The following PHRF1 variants were observed in gnomAD, a reference collection of about 807,000 sequenced individuals.
PHRF1 encodes the protein PHD and RING finger domain-containing protein 1.
In PHRF1, 53 loss-of-function variants were observed where a neutral mutation model predicts 128.9. The observed-to-expected ratio is 0.41, with a 90% CI of 0.33 to 0.52. The LOEUF (loss-of-function observed/expected upper bound fraction) is 0.52. Ranked by LOEUF, PHRF1 falls within the 20% of genes least tolerant of loss-of-function variation. The pLI, the probability that PHRF1 is intolerant of heterozygous loss-of-function variation, is 0.21. For synonymous variants in PHRF1, 1,178 were observed against 980.6 expected (o/e 1.20, Z -3.76); for missense variants, 2,503 against 2,284.5 (o/e 1.10, Z -1.95).
At chr11:599,788 G>A (rs11246208) in intron 9 of PHRF1, among the ~76,000 whole-genome samples, 5 of 150,896 alleles carry the variant, frequency 3.3e-5, no homozygotes, top group African/African-American at 4.9e-5. Context: ...CAGAGGACTC[G>A]GCGTCTGTGG....
intron 3 of PHRF1, among the ~76,000 whole-genome samples, chr11:586,122 A>G (rs1854542330): frequency 6.6e-6 from 1 of 152,120 alleles, no homozygotes. Context: ...CAGCCTCCCA[A>G]AGTACTAGGA....
rs114367277 is a variant in PHRF1 at position 608,378 on chromosome 11, G to A, written c.2922G>A (p.Pro974=). The part of the protein sequence containing the change: ...TVVEPEAPPS[P]DVLQAATHRV... ...TGGAGCCGGAAGCCCCACCCAGCCCGGACGTGCTGCAGGCTGCCACCCACA... is the reference window on the plus strand; with the variant it reads ...TGGAGCCGGAAGCCCCACCCAGCCCAGACGTGCTGCAGGCTGCCACCCACA... Residue 974 remains proline, a synonymous_variant, in exon 14 of 18, where the codon CCG becomes CCA. Transcript: ENST00000264555. 2,569 of 1,611,300 alleles carry A rather than the reference G, an allele frequency of 1.6e-3. 40 individuals carry two copies. In the African/African-American group the frequency reaches 0.03, roughly 19 times the overall value.
rs541916891 is a variant in PHRF1 at position 608,060 on chromosome 11, G to A, written c.2604G>A (p.Pro868=). 30 of 1,611,536 alleles carry A rather than the reference G, an allele frequency of 1.9e-5. No individual in the cohort carries two copies. The highest frequency in any genetic ancestry group is 6.7e-5 in the East Asian group (3 of 44,876). ...EITRTISINS[P]KAQTVQAVRC... is the part of the protein sequence containing the mutation. ...CACGAACCATCTCCATCAACAGCCC[G>A]AAGGCCCAGACGGTGCAGGCTGTGC... The change falls in exon 14 of 18, where the codon CCG becomes CCA. Residue 868 remains proline, a synonymous_variant. Transcript: ENST00000264555.
In PHRF1 at chr11:606,547, C is replaced by G; in HGVS notation, c.1560C>G (p.Ser520Arg). ...LSGQSLLMLG[S>R]SDVIIHRDGS... The stretch of plus-strand genomic sequence containing the variant: ...GCCAGAGCCTCCTGATGCTGGGCAG[C>G]AGTGATGTCATCATCCACCGCGACG... Residue 520 changes from serine (S) to arginine (R), a missense_variant, in exon 13 of 18, where the codon AGC becomes AGG. Ser to Arg is a moderately radical substitution (Grantham distance 110, BLOSUM62 -1). Transcript: ENST00000264555. 6.2e-7 allele frequency: 1 copy of G among 1,610,280 alleles called. No homozygotes were observed. The highest frequency in any genetic ancestry group is 8.5e-7 in the Non-Finnish European group (1 of 1,179,292).
chr11:585,239 C>T (rs1043795357), intron 3 of PHRF1, among the ~76,000 whole-genome samples: 13 of 151,520 alleles, frequency 8.6e-5, no homozygotes, highest in Non-Finnish European at 1.6e-4. Context: ...GTAGCCCTTT[C>T]CAGCTTGAGG....
intron 4 of PHRF1, among the ~76,000 whole-genome samples, chr11:590,648 A>G (rs12272314): frequency 0.28 from 43,337 of 152,130 alleles, 6,682 homozygotes; most frequent in African/African-American, 0.38. Flanking sequence ...TCAGAACACT[A>G]TTAATAAAGG....
rs1856152909 is a variant in PHRF1, at chr11:608,942, G to A, written c.3486G>A (p.Arg1162=). ...VAWPRDRRKR[R]SRSPSSEHRA... is the part of the protein sequence containing the mutation. ...GGCCCCGAGACCGGAGGAAGCGGAG[G>A]TCCCGGTCCCCAAGCTCGGAGCACA... The change falls in exon 14 of 18, where the codon AGG becomes AGA. Residue 1162 remains arginine (R), a synonymous_variant. Coordinates refer to ENST00000264555, the MANE Select transcript of PHRF1 (RefSeq NM_001286581.2). The A allele has an allele frequency of 6.2e-7, 1 of 1,611,170 alleles. No homozygotes were observed. The highest frequency in any genetic ancestry group is 8.5e-7 in the Non-Finnish European group (1 of 1,179,484).
chr11:609,555 G>T lies in PHRF1; in HGVS notation c.4099G>T (p.Gly1367Trp). ...CAGTTCCCCGGATGTGGCGCCTGCGGGGAAGGAAGACAGCCCCTCTGCGAG... is the reference window on the plus strand; with the variant it reads ...CAGTTCCCCGGATGTGGCGCCTGCGTGGAAGGAAGACAGCCCCTCTGCGAG... ...APSSPDVAPA[G>W]KEDSPSASGR... Residue 1367 changes from glycine (G) to tryptophan (W), a missense_variant, in exon 14 of 18, where the codon GGG (glycine) becomes TGG (tryptophan). By Grantham distance (184) the Gly-to-Trp change is radical (BLOSUM62 -2). Coordinates refer to ENST00000264555, the MANE Select transcript of PHRF1 (RefSeq NM_001286581.2). 1 of 1,599,592 alleles carries T rather than the reference G, an allele frequency of 6.3e-7. No homozygotes were observed. Among genetic ancestry groups the T allele is most frequent in the Non-Finnish European group, 8.5e-7 (1 of 1,175,118 alleles).
In PHRF1 at chr11:598,484, C is replaced by A; in HGVS notation, c.1006C>A (p.Arg336=). The A allele has an allele frequency of 2.5e-6, 4 of 1,609,352 alleles. No individual in the cohort carries two copies. Among genetic ancestry groups the A allele is most frequent in the Middle Eastern group, 3.3e-4 (2 of 6,060 alleles). ...CCCCCTGACGCCGCGCACTCCCGCCCGACGGAAGAGGAAGACAAGTAAGCC... is the reference window on the plus strand; with the variant it reads ...CCCCCTGACGCCGCGCACTCCCGCCAGACGGAAGAGGAAGACAAGTAAGCC... The part of the protein sequence containing the change: ...QRPLTPRTPA[R]RKRKTRRRKK... Residue 336 remains arginine, a synonymous_variant, in exon 9 of 18, where the codon CGA becomes AGA. Coordinates refer to ENST00000264555, the MANE Select transcript of PHRF1 (RefSeq NM_001286581.2).
intron 17 of PHRF1, among the ~76,000 whole-genome samples, chr11:611,339 C>T (rs1856382733): frequency 6.6e-6 from 1 of 152,204 alleles, no homozygotes; most frequent in Admixed American, 6.5e-5. Flanking sequence ...CAGCCCACGC[C>T]CAGCTTACAG....
Position 597,706 on chromosome 11 carries a change from C to T in PHRF1, c.894+136C>T. On this transcript the variant is annotated intron_variant, in intron 8 of 17. Coordinates refer to ENST00000264555, the MANE Select transcript of PHRF1 (RefSeq NM_001286581.2). This position sits in a 1 kb window ranked among gnomAD's most constrained non-coding sequence, Gnocchi z 6.5. ...CCGGTGGCTCATGTTGTTCGGCCTGCTGAGGGGAGCAGATGAGTGCACCCC... is the reference window on the plus strand; with the variant it reads ...CCGGTGGCTCATGTTGTTCGGCCTGTTGAGGGGAGCAGATGAGTGCACCCC... 4 of 1,216,706 alleles carry T rather than the reference C, an allele frequency of 3.3e-6. No individual in the cohort carries two copies. The highest frequency in any genetic ancestry group is 4.5e-6 in the Non-Finnish European group (4 of 882,560). 75.4% of individuals were successfully genotyped at this position (1,216,706 alleles called of 1,614,324 possible).
intron 3 of PHRF1, among the ~76,000 whole-genome samples, chr11:583,611 C>T (rs971027313): frequency 1.3e-4 from 20 of 152,242 alleles, no homozygotes; most frequent in African/African-American, 4.3e-4. Context: ...GGCAGGTCTG[C>T]GCTGGGTGTG....
chr11:607,727 C>G lies in PHRF1; in HGVS notation c.2271C>G (p.Gly757=). The G allele has an allele frequency of 2.5e-6, 4 of 1,611,988 alleles. No individual in the cohort carries two copies. The highest frequency in any genetic ancestry group is 3.4e-6 in the Non-Finnish European group (4 of 1,179,390). ...SSRPPAPSSH[G]SLAPLGPSRG... Reference sequence around the variant, plus strand: ...GGCCCCCAGCCCCCAGCTCCCATGGCAGTTTGGCCCCACTGGGACCATCAA... The same window carrying G: ...GGCCCCCAGCCCCCAGCTCCCATGGGAGTTTGGCCCCACTGGGACCATCAA... Residue 757 remains glycine, a synonymous_variant, in exon 14 of 18, where the codon GGC becomes GGG. Coordinates refer to ENST00000264555, the MANE Select transcript of PHRF1 (RefSeq NM_001286581.2).
Position 610,619 on chromosome 11 carries a change from G to T in PHRF1, c.4535G>T (p.Cys1512Phe), listed in dbSNP as rs1190068361. Residue 1512 changes from cysteine to phenylalanine, a missense_variant, in exon 16 of 18, where the codon TGT becomes TTT. Cys to Phe is a radical substitution (Grantham distance 205). Coordinates refer to ENST00000264555, the MANE Select transcript of PHRF1 (RefSeq NM_001286581.2). ...CAGGGGAGCCTGCCGCTAGTGGGCT[G>T]TGGGGCAGCACAGACCCTGGCCCCA... ...ILQGSLPLVG[C>F]GAAQTLAPVP... 3 of 1,606,102 alleles carry T rather than the reference G, an allele frequency of 1.9e-6. No individual in the cohort carries two copies. Among genetic ancestry groups the T allele is most frequent in the Non-Finnish European group, 2.5e-6 (3 of 1,179,828 alleles).
At chr11:603,153 C>G (rs950483508) in intron 10 of PHRF1, among the ~76,000 whole-genome samples, 1 of 151,732 alleles carries the variant, frequency 6.6e-6, no homozygotes, top group African/African-American at 2.4e-5. Context: ...CTCCCCAGGC[C>G]CAGGTGATCC....
chr11:587,484 G>T lies in PHRF1; in HGVS notation c.420+20G>T, dbSNP rs1396404243. ...TCCAAGGTGAGTTCACCTCTGGTTG[G>T]GTGCTTCCTCCCTTCAGGATGGCCT... On this transcript the variant is annotated intron_variant, in intron 4 of 17. Transcript: ENST00000264555. 27 of 1,611,224 alleles carry T rather than the reference G, an allele frequency of 1.7e-5. No individual in the cohort carries two copies. Among genetic ancestry groups the T allele is most frequent in the Non-Finnish European group, 2.3e-5 (27 of 1,178,918 alleles).
intron 10 of PHRF1, among the ~76,000 whole-genome samples, chr11:604,736 A>G (rs564465172): frequency 3.8e-4 from 58 of 152,332 alleles, no homozygotes; most frequent in Non-Finnish European, 7.3e-4. Flanking sequence ...GCTGGTCTCA[A>G]GCTGGCCTCA....
At chr11:601,471 G>T (rs530952691) in intron 9 of PHRF1, 103 bp from the exon 10 acceptor site, 5 of 1,466,728 alleles carry the variant, frequency 3.4e-6, no homozygotes, top group Non-Finnish European at 4.6e-6. Flanking sequence ...GTGTGGTCCC[G>T]CTGTACCGGC....
At chr11:605,439 G>A (rs1034628119) in intron 11 of PHRF1, 139 bp downstream of exon 11, 6 of 1,446,322 alleles carry the variant, frequency 4.1e-6, no homozygotes, top group Middle Eastern at 1.9e-4. Context: ...ACCGCCATAC[G>A]GTGCAGGTGG....
Sources: gnomAD v4.1 joint callset for allele counts (sites outside exome capture counted in the v4.1 genomes callset) on GRCh38, gnomAD v4.1.1 for gene constraint, Gnocchi (gnomAD v3.1) non-coding constraint, MANE v1.5 for transcripts, NCBI Gene and HGNC (gene_info 2026-07-23, HGNC 2026-07-21) for gene names.